SYNPR: variants seen among roughly 807,000 people sequenced by gnomAD.
SYNPR encodes the protein synaptoporin.
SYNPR carries 23 observed loss-of-function variants against 32.9 expected under a neutral mutation model. That is an observed-to-expected ratio of 0.70 (90% CI 0.50 to 0.99). The LOEUF (loss-of-function observed/expected upper bound fraction) is 0.99. Among genes scored for constraint, SYNPR ranks in the 50% least tolerant of loss-of-function variants. SYNPR has a pLI of 0.00. For synonymous variants in SYNPR, 146 were observed against 135.9 expected, an observed-to-expected ratio of 1.07 and a Z score of -0.52; for missense variants, 318 against 349.3, an observed-to-expected ratio of 0.91 and a Z score of 0.71.
At chr3:63,374,247 T>C (rs777249314) in intron 2 of SYNPR, among the ~76,000 whole-genome samples, 1 of 152,216 alleles carries the variant, frequency 6.6e-6, no homozygotes, top group African/African-American at 2.4e-5. Context: ...TTTTTTAATA[T>C]CAAGTGATGT....
At chr3:63,232,219 T>TTTTTTTG (rs869164802) in intron 1 of SYNPR, among the ~76,000 whole-genome samples, 7 of 113,906 alleles carry the variant, frequency 6.1e-5, no homozygotes, top group South Asian at 3.0e-4. Flanking sequence ...TTTTTTTTTT[T>TTTTTTTG]GAGACAGAGT....
intron 4 of SYNPR, among the ~76,000 whole-genome samples, chr3:63,583,085 G>C (rs1404775124): frequency 6.6e-6 from 1 of 152,064 alleles, no homozygotes; most frequent in African/African-American, 2.4e-5. Context: ...GACTGAGGTG[G>C]TTATCTATTG....
intron 2 of SYNPR, among the ~76,000 whole-genome samples, chr3:63,292,574 T>G (rs1219873875): frequency 1.3e-5 from 2 of 152,186 alleles, no homozygotes; most frequent in Non-Finnish European, 2.9e-5. Context: ...CCTTTCATAT[T>G]TATAAGAGTA....
intron 2 of SYNPR, among the ~76,000 whole-genome samples, chr3:63,449,968 C>T (rs1358289142): frequency 6.6e-6 from 1 of 152,160 alleles, no homozygotes; most frequent in Non-Finnish European, 1.5e-5. Context: ...CATGTCCTGG[C>T]TTAAAAACCA....
chr3:63,280,966 G>C (rs574822800), intron 2 of SYNPR, among the ~76,000 whole-genome samples: 1 of 152,250 alleles, frequency 6.6e-6, no homozygotes, highest in Non-Finnish European at 1.5e-5. Flanking sequence ...TAAGTTAGTT[G>C]GTTGACCTAC....
intron 2 of SYNPR, among the ~76,000 whole-genome samples, chr3:63,410,436 TAGC>T (rs1468032610): frequency 6.6e-6 from 1 of 152,170 alleles, no homozygotes; most frequent in Non-Finnish European, 1.5e-5. Flanking sequence ...GTCAGGCAGA[TAGC>T]AGGCTAATTT....
At chr3:63,266,312 T>G (rs1268121066) in intron 2 of SYNPR, among the ~76,000 whole-genome samples, 2 of 152,186 alleles carry the variant, frequency 1.3e-5, no homozygotes, top group Admixed American at 1.3e-4. Context: ...CCTATTTGAC[T>G]TAGAACATTC....
chr3:63,404,599 T>G (rs2088335187), intron 2 of SYNPR, among the ~76,000 whole-genome samples: 1 of 152,188 alleles, frequency 6.6e-6, no homozygotes, highest in South Asian at 2.1e-4. Flanking sequence ...TTTAATTACA[T>G]GCTTTTTATT....
At chr3:63,296,447 C>T (rs370469306) in intron 2 of SYNPR, among the ~76,000 whole-genome samples, 147 of 152,224 alleles carry the variant, frequency 9.7e-4, no homozygotes, top group Non-Finnish European at 1.8e-3. Context: ...CCCGTTCTTA[C>T]GCAAGAGGTT....
chr3:63,348,677 A>G (rs2087468831), intron 2 of SYNPR, among the ~76,000 whole-genome samples: 3 of 152,160 alleles, frequency 2.0e-5, no homozygotes, highest in Admixed American at 2.0e-4. Flanking sequence ...ACATTTAAGT[A>G]TTTGATCCAT....
intron 2 of SYNPR, among the ~76,000 whole-genome samples, chr3:63,406,606 G>C (rs1011678292): frequency 2.0e-5 from 3 of 152,074 alleles, no homozygotes; most frequent in Admixed American, 1.3e-4. Flanking sequence ...AGGAAAAGAA[G>C]ACAGAGACAC....
intron 2 of SYNPR, among the ~76,000 whole-genome samples, chr3:63,302,905 A>C (rs2086871576): frequency 6.6e-6 from 1 of 152,022 alleles, no homozygotes; most frequent in African/African-American, 2.4e-5. Context: ...GAATAGAATA[A>C]TTTGAATGTT....
chr3:63,454,097 C>T (rs1030294902), intron 2 of SYNPR, among the ~76,000 whole-genome samples: 1 of 151,986 alleles, frequency 6.6e-6, no homozygotes, highest in Non-Finnish European at 1.5e-5. Context: ...CAGGAGCTTG[C>T]CCAAACACTG....
chr3:63,413,292 G>C (rs1266355337), intron 2 of SYNPR, among the ~76,000 whole-genome samples: 1 of 152,070 alleles, frequency 6.6e-6, no homozygotes, highest in Non-Finnish European at 1.5e-5. Flanking sequence ...ACCATGTTTT[G>C]ACTATAGCTG....
At chr3:63,414,017 T>TAG (rs1229399848) in intron 2 of SYNPR, among the ~76,000 whole-genome samples, 13 of 150,234 alleles carry the variant, frequency 8.7e-5, no homozygotes, top group African/African-American at 3.2e-4. Flanking sequence ...TACATATATA[T>TAG]ATATATAGAG....
rs527689517 is a variant in SYNPR, at chr3:63,593,891, C to T, written c.409-15234C>T. 6.8e-4 allele frequency among the ~76,000 whole-genome samples: 103 copies of T among 152,160 alleles called. 1 individual carries two copies. The South Asian group carries it at 8.1e-3, about 12-fold the overall frequency. ...AGAACAGATCTCCCTTGGCTGGTCT[C>T]CCCCACTCTCTTCCATTTTTAGAAC... On this transcript the variant is annotated intron_variant, in intron 4 of 5. Transcript: ENST00000478300.
intron 3 of SYNPR, among the ~76,000 whole-genome samples, chr3:63,504,814 G>A (rs908636809): frequency 6.6e-6 from 1 of 152,098 alleles, no homozygotes; most frequent in Non-Finnish European, 1.5e-5. Flanking sequence ...ATTCTGTATA[G>A]CATCTAGTAG....
rs376967802 is a variant in SYNPR at position 63,480,931 on chromosome 3, G to A, written c.184G>A (p.Asp62Asn). 27 of 1,612,782 alleles carry A rather than the reference G, an allele frequency of 1.7e-5. No homozygotes were observed. The Middle Eastern group carries it at 1.8e-3, about 108-fold the overall frequency. The change falls in exon 3 of 6, where the codon GAC (aspartate) becomes AAC (asparagine). Residue 62 changes from aspartate (D) to asparagine (N), a missense_variant. Physicochemically the swap from Asp to Asn is conservative, Grantham distance 23. Transcript: ENST00000478300. ...CAAGACAGAAAGTAACCTCAGCATC[G>A]ACATAGCGTTTGCCTACCCATTCAG... is the stretch of plus-strand genomic sequence containing the variant. ...VNKTESNLSI[D>N]IAFAYPFRLH...
At chr3:63,253,295 T>C (rs990022659) in intron 2 of SYNPR, among the ~76,000 whole-genome samples, 3 of 152,004 alleles carry the variant, frequency 2.0e-5, no homozygotes. Context: ...AAAAAATACA[T>C]ATATAGTAAC....
Sources: allele counts gnomAD v4.1 joint callset (sites outside exome capture counted in the v4.1 genomes callset), GRCh38; gene constraint gnomAD v4.1.1; transcripts MANE v1.5; gene names NCBI Gene and HGNC (gene_info 2026-07-23, HGNC 2026-07-21).